SUN3: variants seen among roughly 807,000 people sequenced by gnomAD.
SUN3 encodes the protein Sad1 and UNC84 domain containing 3, also known as SUN domain-containing protein 3.
SUN3 carries 36 observed loss-of-function variants against 48.2 expected under a neutral mutation model. That is an observed-to-expected ratio of 0.75 (90% CI 0.57 to 0.99). SUN3 has a LOEUF of 0.99. Ranked by LOEUF, SUN3 falls within the 50% of genes least tolerant of loss-of-function variation. The pLI, the probability that SUN3 is intolerant of heterozygous loss-of-function variation, is 0.00. For missense variants in SUN3, 419 were observed against 433.1 expected (o/e 0.97, Z 0.29); for synonymous variants, 148 against 147.9 (o/e 1.00, Z 0.00).
In SUN3 at chr7:48,005,991, A is replaced by G. The variant is rs142929433; in HGVS notation, c.555T>C (p.Ala185=). Residue 185 remains alanine (A), a synonymous_variant, in exon 6 of 10, where the codon GCT becomes GCC. Coordinates refer to ENST00000297325, the MANE Select transcript of SUN3 (RefSeq NM_001030019.2). ...KKLREDQVEM[A]DYALKSAGAS... is the part of the protein sequence containing the mutation. ...CACCGGCCGACTTCAGGGCATAATC[A>G]GCCATCTCGACTTGGTCTTCTCTCA... is the stretch of plus-strand genomic sequence containing the variant. 2.5e-6 allele frequency: 4 copies of G among 1,612,508 alleles called. No individual in the cohort carries two copies. In the African/African-American group the frequency reaches 5.4e-5, roughly 22 times the overall value.
chr7:48,004,555 C>T (rs1242899387), intron 6 of SUN3, among the ~76,000 whole-genome samples: 2 of 152,350 alleles, frequency 1.3e-5, no homozygotes, highest in South Asian at 2.1e-4. Flanking sequence ...CATGAATGGG[C>T]AGCTGAGAGG....
At chr7:47,999,685 C>T (rs1317485692) in intron 6 of SUN3, among the ~76,000 whole-genome samples, 1 of 152,144 alleles carries the variant, frequency 6.6e-6, no homozygotes, top group African/African-American at 2.4e-5. Context: ...TACAGGCGTG[C>T]GCCACCGCGC....
At position 48,007,299 on chromosome 7, in the gene SUN3, A is replaced by C; in HGVS notation, c.358T>G (p.Phe120Val). 2 of 1,614,058 alleles carry C rather than the reference A, an allele frequency of 1.2e-6. No homozygotes were observed. Among genetic ancestry groups the C allele is most frequent in the South Asian group, 1.1e-5 (1 of 91,048 alleles). ...KKESQNLENN[F>V]RQILFLIEQI... is the part of the protein sequence containing the mutation. ...TCGATCAAAAATAGAATTTGACGAAAATTGTTTTCCAGATTCTGGCTTTCC... is the reference window on the plus strand; with the variant it reads ...TCGATCAAAAATAGAATTTGACGAACATTGTTTTCCAGATTCTGGCTTTCC... Residue 120 changes from phenylalanine (F) to valine (V), a missense_variant, in exon 5 of 10, where the codon TTT becomes GTT. By Grantham distance (50) the Phe-to-Val change is conservative (BLOSUM62 -1). Transcript: ENST00000297325.
intron 3 of SUN3, among the ~76,000 whole-genome samples, chr7:48,010,710 A>G (rs565153682): frequency 3.3e-5 from 5 of 152,324 alleles, no homozygotes; most frequent in Admixed American, 6.5e-5. Flanking sequence ...GTAGCAACAA[A>G]GCTCACACTT....
intron 8 of SUN3, among the ~76,000 whole-genome samples, chr7:47,991,396 A>G (rs1562597356): frequency 6.6e-6 from 1 of 152,216 alleles, no homozygotes; most frequent in Non-Finnish European, 1.5e-5. Context: ...TCAACTTTTC[A>G]GAGACACCAC....
At chr7:48,011,370 G>A (rs1342562069) in intron 3 of SUN3, among the ~76,000 whole-genome samples, 1 of 152,202 alleles carries the variant, frequency 6.6e-6, no homozygotes, top group African/African-American at 2.4e-5. Context: ...TCTGTCATGT[G>A]TGATAATGAT....
upstream of SUN3, among the ~76,000 whole-genome samples, chr7:48,032,284 A>G (rs1372601390): frequency 6.6e-6 from 1 of 152,246 alleles, no homozygotes; most frequent in Non-Finnish European, 1.5e-5. Flanking sequence ...ACATACGCAT[A>G]CACAAAGGTA....
intron 6 of SUN3, among the ~76,000 whole-genome samples, chr7:48,000,943 C>T (rs1789348549): frequency 1.3e-5 from 2 of 151,182 alleles, no homozygotes; most frequent in African/African-American, 4.9e-5. Flanking sequence ...TTCTTCATCT[C>T]CCTCTGAGAC....
chr7:47,996,802 CTT>C (rs35247146), intron 6 of SUN3, among the ~76,000 whole-genome samples: 16 of 135,328 alleles, frequency 1.2e-4, no homozygotes, highest in African/African-American at 1.4e-4. Context: ...TTCTTTCCTT[CTT>C]TTTTTTTTTT....
In SUN3 at chr7:47,994,443, A is replaced by G; in HGVS notation, c.733T>C (p.Ser245Pro). ...AGCTTGATTAGGGTATGACCCTGGG[A>G]ACCTGGAAAAGCCCAGCACTTTCCA... ...YPGKCWAFPG[S>P]QGHTLIKLAT... The change falls in exon 8 of 10, where the codon TCC becomes CCC. Residue 245 changes from serine (S) to proline (P), a missense_variant. Physicochemically the swap from Ser to Pro is moderately conservative, Grantham distance 74. Transcript: ENST00000297325. 6.2e-7 allele frequency: 1 copy of G among 1,610,532 alleles called. No individual in the cohort carries two copies. The highest frequency in any genetic ancestry group is 1.1e-5 in the South Asian group (1 of 90,272).
intron 2 of SUN3, among the ~76,000 whole-genome samples, chr7:48,023,315 G>C (rs529332961): frequency 1.3e-5 from 2 of 152,220 alleles, no homozygotes; most frequent in African/African-American, 4.8e-5. Flanking sequence ...AATAGGAGCA[G>C]AGTATTTGCA....
chr7:48,008,884 T>G, intron 4 of SUN3, 151 bp downstream of exon 4: 1 of 660,818 alleles, frequency 1.5e-6, no homozygotes, highest in Non-Finnish European at 2.6e-6. Flanking sequence ...CTAGGAATGA[T>G]ATCATTAAAT....
chr7:47,990,781 C>A (rs1776334057), intron 8 of SUN3, among the ~76,000 whole-genome samples: 1 of 150,608 alleles, frequency 6.6e-6, no homozygotes, highest in African/African-American at 2.4e-5. Context: ...TAAAAAAGAA[C>A]AAGATCGTGT....
intron 4 of SUN3, 149 bp downstream of exon 4, chr7:48,008,885 AT>A: frequency 1.5e-6 from 1 of 663,086 alleles, no homozygotes; most frequent in Non-Finnish European, 2.5e-6. Flanking sequence ...TAGGAATGAT[AT>A]CATTAAATAT....
At chr7:48,012,156 G>C (rs146183057) in intron 3 of SUN3, among the ~76,000 whole-genome samples, 270 of 152,314 alleles carry the variant, frequency 1.8e-3, no homozygotes, top group African/African-American at 6.0e-3. Context: ...GCCTATGTCA[G>C]GGAAAGCCTC....
At chr7:47,990,299 T>G (rs1789017737) in intron 8 of SUN3, among the ~76,000 whole-genome samples, 1 of 152,196 alleles carries the variant, frequency 6.6e-6, no homozygotes, top group Non-Finnish European at 1.5e-5. Flanking sequence ...TTTAAGGCAT[T>G]GAGATGTTTA....
chr7:48,026,176 T>A (rs2128784559), intron 1 of SUN3, among the ~76,000 whole-genome samples: 1 of 152,234 alleles, frequency 6.6e-6, no homozygotes, highest in East Asian at 1.9e-4. Flanking sequence ...GAGTCATGCC[T>A]CTTACTTTCA....
chr7:48,021,651 C>A, intron 2 of SUN3, among the ~76,000 whole-genome samples: 1 of 151,124 alleles, frequency 6.6e-6, no homozygotes, highest in Middle Eastern at 3.2e-3. Context: ...ACACAAATGG[C>A]AAACAGGCAT....
chr7:48,005,209 G>A (rs10951941), intron 6 of SUN3, among the ~76,000 whole-genome samples: 2 of 151,394 alleles, frequency 1.3e-5, no homozygotes, highest in African/African-American at 2.4e-5. Context: ...ACTATGGTTC[G>A]TCTCCCATCT....
Sources: allele counts gnomAD v4.1 joint callset (sites outside exome capture counted in the v4.1 genomes callset), GRCh38; gene constraint gnomAD v4.1.1; transcripts MANE v1.5; gene names NCBI Gene and HGNC (gene_info 2026-07-23, HGNC 2026-07-21).